FOLH1: variants seen among roughly 807,000 people sequenced by gnomAD.
FOLH1 encodes folate hydrolase 1.
Under a neutral mutation model 93.9 loss-of-function variants are expected in FOLH1, and 54 were observed. That is an observed-to-expected ratio of 0.57 (90% CI 0.46 to 0.72). The LOEUF is 0.72. Among genes scored for constraint, FOLH1 ranks in the 30% least tolerant of loss-of-function variants. The pLI is 0.00. For missense variants in FOLH1, 571 were observed against 892.5 expected, an observed-to-expected ratio of 0.64 and a Z score of 4.59; for synonymous variants, 249 against 303.6, an observed-to-expected ratio of 0.82 and a Z score of 1.87.
chr11:49,147,726 C>T (rs1002039143), intron 18 of FOLH1, among the ~76,000 whole-genome samples: 3 of 152,000 alleles, frequency 2.0e-5, no homozygotes, highest in African/African-American at 7.2e-5. Context: ...GAGTTCTAGA[C>T]GAGCCTGCGC....
At chr11:49,155,385 C>A (rs1402043541) in intron 15 of FOLH1, among the ~76,000 whole-genome samples, 1 of 152,032 alleles carries the variant, frequency 6.6e-6, no homozygotes, top group Non-Finnish European at 1.5e-5. Context: ...GATTTTCCAT[C>A]TGGGAAGAAT....
chr11:49,206,359 T>C (rs769195722), intron 1 of FOLH1, 187 bp from the exon 2 acceptor site: 1 of 1,011,548 alleles, frequency 9.9e-7, no homozygotes, highest in East Asian at 2.8e-5. Flanking sequence ...CAAACAGATT[T>C]TTAAGTTGCA....
At chr11:49,176,133 A>T (rs1159711824) in intron 7 of FOLH1, among the ~76,000 whole-genome samples, 176 bp from the exon 8 acceptor site, 1 of 152,218 alleles carries the variant, frequency 6.6e-6, no homozygotes, top group African/African-American at 2.4e-5. Flanking sequence ...TGCTACCTCC[A>T]CTTCACAGAT....
At chr11:49,205,003 G>A (rs1225104236) in intron 2 of FOLH1, among the ~76,000 whole-genome samples, 2 of 152,102 alleles carry the variant, frequency 1.3e-5, no homozygotes, top group African/African-American at 2.4e-5. Flanking sequence ...CTGAGGTCAG[G>A]AGTTTGAGAC....
chr11:49,173,922 G>T (rs1301200381), intron 9 of FOLH1, among the ~76,000 whole-genome samples: 1 of 152,002 alleles, frequency 6.6e-6, no homozygotes, highest in African/African-American at 2.4e-5. Flanking sequence ...AGTTTTTAAG[G>T]TACAGCTCAA....
rs143160217 is a variant in FOLH1, at chr11:49,187,086, G to A, written c.514-317C>T. On this transcript the variant is annotated intron_variant, in intron 4 of 18. Transcript: ENST00000256999. Reference sequence around the variant, plus strand: ...CATATACGTGTACACATTGCTGCACGCAACTTGAAGGTGTCCAGATACCCT... The same window carrying A: ...CATATACGTGTACACATTGCTGCACACAACTTGAAGGTGTCCAGATACCCT... Among the ~76,000 whole-genome samples, 61 of 152,190 alleles carry A rather than the reference G, an allele frequency of 4.0e-4. 1 individual carries two copies. In the South Asian group the frequency reaches 0.011, roughly 28 times the overall value.
chr11:49,200,829 A>G (rs1036514408), intron 2 of FOLH1, among the ~76,000 whole-genome samples: 7 of 152,172 alleles, frequency 4.6e-5, no homozygotes, highest in African/African-American at 1.7e-4. Context: ...AAGGTGTAAC[A>G]TGGCAAGAAT....
At chr11:49,166,489 G>C (rs1188347707) in intron 12 of FOLH1, among the ~76,000 whole-genome samples, 2 of 152,184 alleles carry the variant, frequency 1.3e-5, no homozygotes, top group African/African-American at 4.8e-5. Context: ...TAAAGCACCT[G>C]AGATAGCACC....
chr11:49,164,699 A>C lies in FOLH1; in HGVS notation c.1440+6T>G, dbSNP rs1329976849. Reference sequence around the variant, plus strand: ...GGGTTTTCTTAAATTATATGTAATTATATACCTCTTTTGTTAGGTTGTGTA... The same window carrying C: ...GGGTTTTCTTAAATTATATGTAATTCTATACCTCTTTTGTTAGGTTGTGTA... On this transcript the variant is annotated splice_donor_region_variant and intron_variant, in intron 13 of 18. Coordinates refer to ENST00000256999, the MANE Select transcript of FOLH1 (RefSeq NM_004476.3). The C allele has an allele frequency of 6.3e-7, 1 of 1,578,986 alleles. No homozygotes were observed.
chr11:49,174,658 T>A (rs1173080525), intron 9 of FOLH1, among the ~76,000 whole-genome samples: 10 of 152,162 alleles, frequency 6.6e-5, no homozygotes, highest in Non-Finnish European at 1.3e-4. Context: ...AATTTATCAT[T>A]CACCTTGGTC....
chr11:49,186,819 G>C (rs1310280824), intron 4 of FOLH1, 50 bp from the exon 5 acceptor site: 1 of 1,535,916 alleles, frequency 6.5e-7, no homozygotes, highest in Non-Finnish European at 8.7e-7. Context: ...AAACAAGGAG[G>C]TTTTTCTGCA....
At position 49,146,060 on chromosome 11, in the gene FOLH1, T is replaced by C. The variant is rs1177036995; in HGVS notation, c.*696A>G. ...CCATGTGTGATAAAATTATAAATAA[T>C]GACAGAGGAAAGATAAATAAACATA... On this transcript the variant is annotated 3_prime_UTR_variant, in exon 19 of 19. Coordinates refer to ENST00000256999, the MANE Select transcript of FOLH1 (RefSeq NM_004476.3). Among the ~76,000 whole-genome samples the C allele has an allele frequency of 2.0e-5, 3 of 152,024 alleles. No individual in the cohort carries two copies. Among genetic ancestry groups the C allele is most frequent in the Admixed American group, 1.3e-4 (2 of 15,248 alleles).
chr11:49,173,802 T>C (rs1436350940), intron 9 of FOLH1, among the ~76,000 whole-genome samples: 1 of 152,194 alleles, frequency 6.6e-6, no homozygotes, highest in Non-Finnish European at 1.5e-5. Context: ...CTTACCACTT[T>C]CTAATATATT....
intron 1 of FOLH1, 61 bp from the exon 2 acceptor site, chr11:49,206,233 A>G: frequency 6.2e-7 from 1 of 1,602,074 alleles, no homozygotes; most frequent in Non-Finnish European, 8.5e-7. Context: ...CTTATTTTTC[A>G]TTATTGTTGT....
intron 7 of FOLH1, among the ~76,000 whole-genome samples, chr11:49,182,328 C>CAAAAAAAAAA (rs59966842): frequency 1.7e-5 from 1 of 59,978 alleles, no homozygotes; most frequent in Non-Finnish European, 2.8e-5. Context: ...GACACTGTCT[C>CAAAAAAAAAA]AAAAAAAAAA....
intron 4 of FOLH1, among the ~76,000 whole-genome samples, chr11:49,190,418 T>TGAC (rs1312180355): frequency 6.6e-6 from 1 of 152,242 alleles, no homozygotes; most frequent in African/African-American, 2.4e-5. Context: ...GTACCATCCA[T>TGAC]TGTTCTATGA....
intron 4 of FOLH1, among the ~76,000 whole-genome samples, chr11:49,188,897 T>C (rs1372729711): frequency 1.3e-5 from 2 of 152,232 alleles, no homozygotes; most frequent in Non-Finnish European, 2.9e-5. Context: ...TTAATGATAT[T>C]AGCTGGAAAC....
At chr11:49,151,429 G>A (rs368725485) in intron 17 of FOLH1, among the ~76,000 whole-genome samples, 1 of 151,396 alleles carries the variant, frequency 6.6e-6, no homozygotes, top group East Asian at 1.9e-4. Context: ...CACACACACA[G>A]ACACACACAC....
chr11:49,163,016 G>A (rs1368403966), intron 13 of FOLH1: 1 of 152,272 alleles, frequency 6.6e-6, no homozygotes, highest in East Asian at 1.9e-4. Context: ...GAGGTGGCTG[G>A]AGACCCCACT....
Sources: gnomAD v4.1 joint callset for allele counts (sites outside exome capture counted in the v4.1 genomes callset) on GRCh38, gnomAD v4.1.1 for gene constraint, MANE v1.5 for transcripts, NCBI Gene and HGNC (gene_info 2026-07-23, HGNC 2026-07-21) for gene names.